AFG2A: variants seen among roughly 807,000 people sequenced by gnomAD.
AFG2A encodes the protein ATPase family gene 2 protein homolog A.
At chr4:123,158,183 A>C in the AFG2A span, among the ~76,000 whole-genome samples, 1 of 152,224 alleles carries the variant, frequency 6.6e-6, no homozygotes, top group Non-Finnish European at 1.5e-5. Flanking sequence ...TTTGACACAT[A>C]TGACCATTAC....
At chr4:123,237,829 C>G in the AFG2A span, among the ~76,000 whole-genome samples, 1 of 152,102 alleles carries the variant, frequency 6.6e-6, no homozygotes. Context: ...ACTGGTTGGA[C>G]AGTGGGTGCA....
the AFG2A span, among the ~76,000 whole-genome samples, chr4:123,060,320 C>G: frequency 1.3e-5 from 2 of 152,258 alleles, no homozygotes; most frequent in Non-Finnish European, 2.9e-5. Flanking sequence ...GTGGGAGCTC[C>G]AACCCCACAT....
the AFG2A span, among the ~76,000 whole-genome samples, chr4:123,114,942 C>T: frequency 6.6e-6 from 1 of 152,156 alleles, no homozygotes; most frequent in Admixed American, 6.5e-5. Context: ...CATGGTGGGG[C>T]GCGAGGTTGA....
At chr4:123,015,336 C>G in the AFG2A span, among the ~76,000 whole-genome samples, 1 of 151,694 alleles carries the variant, frequency 6.6e-6, no homozygotes, top group African/African-American at 2.4e-5. Flanking sequence ...CTGCGGCCTT[C>G]CGCAGTGTTT....
chr4:123,011,255 G>A, the AFG2A span, among the ~76,000 whole-genome samples: 1,201 of 152,282 alleles, frequency 7.9e-3, 20 homozygotes, highest in African/African-American at 0.027. Context: ...TCTTTGCCTC[G>A]CATTTAATAA....
the AFG2A span, among the ~76,000 whole-genome samples, chr4:123,276,856 C>A: frequency 6.6e-6 from 1 of 151,998 alleles, no homozygotes; most frequent in East Asian, 1.9e-4. Context: ...GTTTTTGTAC[C>A]AGTATCGTGT....
At chr4:123,012,335 GC>G in the AFG2A span, among the ~76,000 whole-genome samples, 2 of 144,634 alleles carry the variant, frequency 1.4e-5, no homozygotes, top group Admixed American at 1.4e-4. Flanking sequence ...TGGGGTGCTT[GC>G]CCCCCAGGAA....
the AFG2A span, among the ~76,000 whole-genome samples, chr4:123,120,551 G>A: frequency 1.5e-4 from 23 of 152,186 alleles, no homozygotes; most frequent in Non-Finnish European, 3.2e-4. Context: ...TGTTACTGCA[G>A]TCACATTCTA....
the AFG2A span, among the ~76,000 whole-genome samples, chr4:123,044,962 A>G: frequency 6.6e-6 from 1 of 151,708 alleles, no homozygotes; most frequent in African/African-American, 2.4e-5. Context: ...CATAATTTTA[A>G]TGTTTTCCTT....
chr4:123,085,342 A>G, the AFG2A span, among the ~76,000 whole-genome samples: 2 of 152,146 alleles, frequency 1.3e-5, no homozygotes, highest in Non-Finnish European at 2.9e-5. Flanking sequence ...GCTTCTCCTT[A>G]TAGTTCTATT....
the AFG2A span, among the ~76,000 whole-genome samples, chr4:122,949,715 C>G: frequency 1.3e-5 from 2 of 152,152 alleles, no homozygotes; most frequent in Admixed American, 1.3e-4. Flanking sequence ...TTTACAATAC[C>G]AAATGGACTG....
the AFG2A span, among the ~76,000 whole-genome samples, chr4:123,004,725 T>TG: frequency 6.6e-6 from 1 of 152,234 alleles, no homozygotes; most frequent in Non-Finnish European, 1.5e-5. Flanking sequence ...ATCAGGATAA[T>TG]GTTGGCACGG....
the AFG2A span, among the ~76,000 whole-genome samples, chr4:123,304,792 C>T: frequency 1.3e-5 from 2 of 152,104 alleles, no homozygotes; most frequent in African/African-American, 4.8e-5. Context: ...CGTGACCGAG[C>T]GCAGAGACAG....
the AFG2A span, among the ~76,000 whole-genome samples, chr4:122,977,168 A>T: frequency 6.6e-6 from 1 of 152,180 alleles, no homozygotes; most frequent in African/African-American, 2.4e-5. Flanking sequence ...TTCCAGCCAG[A>T]AACCTCTGTG....
chr4:123,202,756 C>A, the AFG2A span, among the ~76,000 whole-genome samples: 1 of 152,120 alleles, frequency 6.6e-6, no homozygotes, highest in East Asian at 1.9e-4. Flanking sequence ...ATTTGATCAC[C>A]ACAAGGAAAC....
chr4:123,149,193 G>C, the AFG2A span, among the ~76,000 whole-genome samples: 1 of 152,136 alleles, frequency 6.6e-6, no homozygotes, highest in African/African-American at 2.4e-5. Flanking sequence ...TCAAGAATCA[G>C]GTGACTAAAG....
At chr4:123,265,248 A>G in the AFG2A span, among the ~76,000 whole-genome samples, 1 of 152,056 alleles carries the variant, frequency 6.6e-6, no homozygotes, top group African/African-American at 2.4e-5. Context: ...CAAGTTCACT[A>G]TCTATGATTT....
the AFG2A span, among the ~76,000 whole-genome samples, chr4:123,189,809 CTTTTT>C: frequency 4.9e-5 from 3 of 61,776 alleles, no homozygotes; most frequent in Admixed American, 5.6e-4. Context: ...AGGTCATTTG[CTTTTT>C]TTTTTTTTTT....
chr4:123,068,407 C>T, the AFG2A span, among the ~76,000 whole-genome samples: 3 of 152,148 alleles, frequency 2.0e-5, no homozygotes, highest in South Asian at 6.2e-4. Context: ...TAATTACAGC[C>T]ACTGTTTCAT....
Sources: allele counts gnomAD v4.1 joint callset (sites outside exome capture counted in the v4.1 genomes callset), GRCh38; gene constraint gnomAD v4.1.1; transcripts MANE v1.5; gene names NCBI Gene and HGNC (gene_info 2026-07-23, HGNC 2026-07-21).